Variants in PIEZO2 observed in about 807,000 individuals in gnomAD.
PIEZO2 encodes piezo type mechanosensitive ion channel component 2.
Under a neutral mutation model 337.3 loss-of-function variants are expected in PIEZO2, and 172 were observed. That is an observed-to-expected ratio of 0.51 (90% CI 0.45 to 0.58). The LOEUF is 0.58. Among genes scored for constraint, PIEZO2 ranks in the 20% least tolerant of loss-of-function variants. The probability of loss-of-function intolerance (pLI) is 0.00; values close to 1 mark genes in which losing one functional copy is unlikely to be tolerated. For synonymous variants in PIEZO2, 1,251 were observed against 1,228.5 expected (o/e 1.02, Z -0.38); for missense variants, 3,028 against 3,391.3 (o/e 0.89, Z 2.66).
chr18:10,823,333 C>T (rs1230148882), intron 7 of PIEZO2, among the ~76,000 whole-genome samples: 2 of 152,122 alleles, frequency 1.3e-5, no homozygotes, highest in Non-Finnish European at 2.9e-5. Context: ...TTACTTCTAA[C>T]AAAAACAACC....
At chr18:10,770,623 CTCTT>C (rs2038563382) in intron 20 of PIEZO2, among the ~76,000 whole-genome samples, 2 of 152,162 alleles carry the variant, frequency 1.3e-5, no homozygotes, top group Non-Finnish European at 2.9e-5. Context: ...TTCTCTCTCT[CTCTT>C]TCTGACAGAG....
At chr18:10,723,625 T>C (rs1442383225) in intron 36 of PIEZO2, among the ~76,000 whole-genome samples, 2 of 152,076 alleles carry the variant, frequency 1.3e-5, no homozygotes, top group Non-Finnish European at 2.9e-5. Context: ...GGAGAAATGC[T>C]GGAAGGGAGT....
In PIEZO2 at chr18:10,674,609, C is replaced by A. The variant is rs994423230; in HGVS notation, c.8161+600G>T. ...TGGCCTATTGCCTAGTGTGTAGTGG[C>A]CCATGTTGGAGAATGAATTAATGTG... On this transcript the variant is annotated intron_variant, in intron 54 of 55. Coordinates refer to ENST00000674853, the MANE Select transcript of PIEZO2 (RefSeq NM_001378183.1). 7.9e-5 allele frequency among the ~76,000 whole-genome samples: 12 copies of A among 152,198 alleles called. 1 individual carries two copies. The highest frequency in any genetic ancestry group is 2.9e-4 in the African/African-American group (12 of 41,436).
At position 11,143,627 on chromosome 18, in the gene PIEZO2, A is replaced by ACTCTCTCTCT. The variant is rs1448983282; in HGVS notation, c.64+4897_64+4898insAGAGAGAGAG. Among the ~76,000 whole-genome samples the ACTCTCTCTCT allele has an allele frequency of 5.6e-4, 60 of 107,892 alleles. No homozygotes were observed. Among genetic ancestry groups the ACTCTCTCTCT allele is most frequent in the Non-Finnish European group, 7.6e-4 (45 of 58,908 alleles). 70.8% of individuals were successfully genotyped at this position (107,892 alleles called of 152,430 possible). A position where few individuals can be genotyped will look rare whatever the true frequency, so the allele number is the denominator to read the frequency against. The stretch of plus-strand genomic sequence containing the variant: ...CACACACACACACACACACACACAC[A>ACTCTCTCTCT]CACACACACACACTCTCTCTCTCTC... On this transcript the variant is annotated intron_variant, in intron 1 of 55. Transcript: ENST00000674853. This position sits in a 1 kb window ranked among gnomAD's most constrained non-coding sequence, Gnocchi z 4.9.
At chr18:10,758,222 A>C (rs2037968039) in intron 26 of PIEZO2, 88 bp from the exon 27 acceptor site, 1 of 1,368,874 alleles carries the variant, frequency 7.3e-7, no homozygotes, top group Admixed American at 2.4e-5. Flanking sequence ...AGCAACAGCC[A>C]TTCCCCAGCT....
intron 2 of PIEZO2, among the ~76,000 whole-genome samples, chr18:11,026,832 A>G (rs538947638): frequency 1.4e-4 from 21 of 152,326 alleles, no homozygotes; most frequent in African/African-American, 5.1e-4. Flanking sequence ...TAGAACATGG[A>G]CCAGATCACA....
At chr18:10,966,776 G>A (rs1339462703) in intron 3 of PIEZO2, among the ~76,000 whole-genome samples, 1 of 151,858 alleles carries the variant, frequency 6.6e-6, no homozygotes, top group Non-Finnish European at 1.5e-5. Context: ...CCCACCTCCT[G>A]CCCTTTCCCC....
intron 4 of PIEZO2, among the ~76,000 whole-genome samples, chr18:10,905,243 C>G (rs560312392): frequency 1.6e-4 from 24 of 152,278 alleles, no homozygotes; most frequent in African/African-American, 5.8e-4. Flanking sequence ...TGAATTAAGA[C>G]AGAGGTACTG....
intron 3 of PIEZO2, among the ~76,000 whole-genome samples, chr18:10,927,269 G>A (rs1258784657): frequency 3.9e-5 from 6 of 152,096 alleles, no homozygotes; most frequent in Non-Finnish European, 7.4e-5. Context: ...GACCCCTTTG[G>A]AAGCTCAAGT....
chr18:10,680,127 C>T lies in PIEZO2; in HGVS notation c.7952+72G>A, dbSNP rs138125191. The T allele has an allele frequency of 1.1e-4, 145 of 1,336,086 alleles. 1 individual carries two copies. The African/African-American group carries it at 2.0e-3, about 19-fold the overall frequency. The allele number at this position is 1,336,086 out of a possible 1,614,324, so 82.8% of individuals were successfully genotyped here. ...AAGTTCCCATTCTTCCATCCCACCACACCCTCCCTCCCCCAACTCCATGTT... is the reference window on the plus strand; with the variant it reads ...AAGTTCCCATTCTTCCATCCCACCATACCCTCCCTCCCCCAACTCCATGTT... On this transcript the variant is annotated intron_variant, in intron 52 of 55. Coordinates refer to ENST00000674853, the MANE Select transcript of PIEZO2 (RefSeq NM_001378183.1).
intron 4 of PIEZO2, among the ~76,000 whole-genome samples, chr18:10,882,709 G>A (rs2042455979): frequency 6.6e-6 from 1 of 151,932 alleles, no homozygotes; most frequent in South Asian, 2.1e-4. Context: ...TGAGGACATG[G>A]GATGGTTGTC....
chr18:10,785,659 T>C (rs1024179987), intron 16 of PIEZO2, among the ~76,000 whole-genome samples: 3 of 152,114 alleles, frequency 2.0e-5, no homozygotes, highest in African/African-American at 7.2e-5. Context: ...TTTTCTTTCA[T>C]ATCTCATTCA....
intron 2 of PIEZO2, among the ~76,000 whole-genome samples, chr18:11,050,072 G>C (rs974259077): frequency 1.3e-5 from 2 of 151,900 alleles, no homozygotes; most frequent in South Asian, 4.2e-4. Context: ...CCCAATATAA[G>C]GCAACAATGG....
chr18:11,135,605 T>C lies in PIEZO2; in HGVS notation c.64+12920A>G, dbSNP rs141748390. On this transcript the variant is annotated intron_variant, in intron 1 of 55. Transcript: ENST00000674853. ...CTCTGTTGCCCAGGCTGGAGTGCAA[T>C]GGCGTGATCTTGGCTCACCGTAACC... Among the ~76,000 whole-genome samples, 589 of 152,288 alleles carry C rather than the reference T, an allele frequency of 3.9e-3. 3 individuals carry two copies. Among genetic ancestry groups the C allele is most frequent in the African/African-American group, 0.013 (543 of 41,554 alleles).
At chr18:10,725,317 G>A (rs1412013609) in intron 36 of PIEZO2, 1 of 1,594,094 alleles carries the variant, frequency 6.3e-7, no homozygotes. Context: ...AAGGAGGGCT[G>A]CGTCGAAGAG....
chr18:10,834,664 G>A lies in PIEZO2; in HGVS notation c.917+20689C>T, dbSNP rs2040950745. On this transcript the variant is annotated intron_variant, in intron 7 of 55. Transcript: ENST00000674853. This position sits in a 1 kb window ranked among gnomAD's most constrained non-coding sequence, Gnocchi z 4.5. ...GCAACTGTAGGAAGAAGAAGCCAAAGCCGCAGGAGGCTAGATCAGAGAGGA... is the reference window on the plus strand; with the variant it reads ...GCAACTGTAGGAAGAAGAAGCCAAAACCGCAGGAGGCTAGATCAGAGAGGA... Among the ~76,000 whole-genome samples the A allele has an allele frequency of 6.6e-6, 1 of 152,174 alleles. No individual in the cohort carries two copies. The highest frequency in any genetic ancestry group is 2.1e-4 in the South Asian group (1 of 4,828).
chr18:11,105,762 T>G lies in PIEZO2; in HGVS notation c.65-39540A>C, dbSNP rs2039540584. On this transcript the variant is annotated intron_variant, in intron 1 of 55. Coordinates refer to ENST00000674853, the MANE Select transcript of PIEZO2 (RefSeq NM_001378183.1). This position sits in a 1 kb window ranked among gnomAD's most constrained non-coding sequence, Gnocchi z 4.3. ...TTGACTGTAAAGCTCCGTAACCATA[T>G]AAAAGTTATATTATAAAAGATAAGC... Among the ~76,000 whole-genome samples the G allele has an allele frequency of 6.6e-6, 1 of 152,062 alleles. No individual in the cohort carries two copies. The highest frequency in any genetic ancestry group is 1.9e-4 in the East Asian group (1 of 5,170).
Position 10,746,729 on chromosome 18 carries a change from C to T in PIEZO2, c.4424+1742G>A, listed in dbSNP as rs2037439144. On this transcript the variant is annotated intron_variant, in intron 30 of 55. Transcript: ENST00000674853. This position sits in a 1 kb window ranked among gnomAD's most constrained non-coding sequence, Gnocchi z 4.2. ...AGAAGCCCAAGGGGGGTCTCTTGCC[C>T]CTTCCACCAAAATAGGATGCAGTGG... Among the ~76,000 whole-genome samples, 1 of 152,136 alleles carries T rather than the reference C, an allele frequency of 6.6e-6. No individual in the cohort carries two copies. Among genetic ancestry groups the T allele is most frequent in the Non-Finnish European group, 1.5e-5 (1 of 68,028 alleles).
chr18:10,962,877 G>A lies in PIEZO2; in HGVS notation c.286+16658C>T, dbSNP rs1027545731. On this transcript the variant is annotated intron_variant, in intron 3 of 55. Transcript: ENST00000674853. This position sits in a 1 kb window ranked among gnomAD's most constrained non-coding sequence, Gnocchi z 4.1. ...CTGAGCTATTAGTTCTAACAGCCCTGAAAGCTATATTCTGTCGTGAAATGC... is the reference window on the plus strand; with the variant it reads ...CTGAGCTATTAGTTCTAACAGCCCTAAAAGCTATATTCTGTCGTGAAATGC... Among the ~76,000 whole-genome samples, 5 of 152,142 alleles carry A rather than the reference G, an allele frequency of 3.3e-5. No homozygotes were observed. Among genetic ancestry groups the A allele is most frequent in the African/African-American group, 1.2e-4 (5 of 41,426 alleles).
Sources: gnomAD v4.1 joint callset for allele counts (sites outside exome capture counted in the v4.1 genomes callset) on GRCh38, gnomAD v4.1.1 for gene constraint, Gnocchi (gnomAD v3.1) non-coding constraint, MANE v1.5 for transcripts, NCBI Gene and HGNC (gene_info 2026-07-23, HGNC 2026-07-21) for gene names.